The following CDH12 variants were observed in gnomAD, a reference collection of about 807,000 sequenced individuals.
The protein encoded by CDH12 is cadherin-12.
In CDH12, 41 loss-of-function variants were observed where a neutral mutation model predicts 74.1. The ratio of observed to expected loss-of-function variants is 0.55; its 90% CI spans 0.43 to 0.72. CDH12 has a LOEUF of 0.72. Among genes scored for constraint, CDH12 ranks in the 30% least tolerant of loss-of-function variants. CDH12 has a pLI of 0.00. For synonymous variants in CDH12, 399 were observed against 355.0 expected (o/e 1.12, Z -1.39); for missense variants, 945 against 977.2 (o/e 0.97, Z 0.44).
intron 3 of CDH12, among the ~76,000 whole-genome samples, chr5:22,376,382 C>T (rs1741525928): frequency 1.3e-5 from 2 of 152,012 alleles, no homozygotes; most frequent in East Asian, 1.9e-4. Context: ...GCCCAATATT[C>T]CATAGCAGAG....
intron 2 of CDH12, among the ~76,000 whole-genome samples, chr5:22,407,184 A>C (rs1333332804): frequency 2.0e-5 from 3 of 152,090 alleles, no homozygotes. Context: ...TGACATCTCA[A>C]ACTCAAAAAT....
intron 6 of CDH12, among the ~76,000 whole-genome samples, chr5:21,880,686 TC>T (rs1170531530): frequency 5.7e-5 from 8 of 139,768 alleles, no homozygotes; most frequent in Admixed American, 2.3e-4. Flanking sequence ...TTTCTTTCTT[TC>T]TTTCTCTTTT....
At chr5:21,769,421 G>A (rs1745202607) in intron 11 of CDH12, among the ~76,000 whole-genome samples, 1 of 152,022 alleles carries the variant, frequency 6.6e-6, no homozygotes, top group African/African-American at 2.4e-5. Context: ...CATGGGATAG[G>A]AGATAAATGT....
chr5:21,810,297 C>G (rs1747678925), intron 9 of CDH12, among the ~76,000 whole-genome samples: 1 of 151,966 alleles, frequency 6.6e-6, no homozygotes, highest in African/African-American at 2.4e-5. Flanking sequence ...ACGTGTGAGG[C>G]TGGGAAAATA....
At chr5:21,930,060 C>T (rs1474116002) in intron 6 of CDH12, among the ~76,000 whole-genome samples, 1 of 152,104 alleles carries the variant, frequency 6.6e-6, no homozygotes, top group Non-Finnish European at 1.5e-5. Flanking sequence ...TTTTGCTTTA[C>T]CAGTTAGTTA....
chr5:22,116,912 T>C (rs1192805185), intron 4 of CDH12, among the ~76,000 whole-genome samples: 2 of 150,266 alleles, frequency 1.3e-5, no homozygotes, highest in Non-Finnish European at 3.0e-5. Flanking sequence ...TTTTCCATCA[T>C]TACTGGTTTC....
At chr5:22,034,148 C>T (rs1739016122) in intron 5 of CDH12, among the ~76,000 whole-genome samples, 3 of 152,120 alleles carry the variant, frequency 2.0e-5, no homozygotes, top group Admixed American at 2.0e-4. Flanking sequence ...GATTCTCCTG[C>T]CTCAGTCTCC....
intron 4 of CDH12, among the ~76,000 whole-genome samples, chr5:22,195,334 G>A (rs1193463866): frequency 1.3e-5 from 2 of 152,030 alleles, no homozygotes; most frequent in African/African-American, 2.4e-5. Context: ...TGTTAATATT[G>A]TCTGTGTTAT....
chr5:22,073,847 A>G (rs1023343767), intron 5 of CDH12, among the ~76,000 whole-genome samples: 5 of 151,832 alleles, frequency 3.3e-5, no homozygotes, highest in African/African-American at 1.2e-4. Context: ...ACATTCTTTT[A>G]GATTTGAATG....
At chr5:22,108,543 C>G (rs922750725) in intron 4 of CDH12, among the ~76,000 whole-genome samples, 4 of 152,094 alleles carry the variant, frequency 2.6e-5, no homozygotes, top group Admixed American at 2.0e-4. Flanking sequence ...AGATAAAATA[C>G]CATAAGGAAT....
At chr5:22,540,014 T>C (rs1040233619) in intron 1 of CDH12, among the ~76,000 whole-genome samples, 1 of 152,214 alleles carries the variant, frequency 6.6e-6, no homozygotes, top group Non-Finnish European at 1.5e-5. Context: ...AATTTTCCTA[T>C]TGAATGTCAA....
chr5:22,045,643 A>G (rs1211216740), intron 5 of CDH12, among the ~76,000 whole-genome samples: 3 of 151,920 alleles, frequency 2.0e-5, no homozygotes, highest in South Asian at 2.1e-4. Flanking sequence ...TTTTGGGACA[A>G]TATAGATAAA....
At chr5:22,585,125 T>C (rs182427558) in intron 1 of CDH12, among the ~76,000 whole-genome samples, 110 of 152,332 alleles carry the variant, frequency 7.2e-4, no homozygotes, top group Non-Finnish European at 8.2e-4. Flanking sequence ...TATACTTCTG[T>C]TATTGTTTTT....
chr5:21,883,270 AC>A, intron 6 of CDH12: 1 of 1,382,202 alleles, frequency 7.2e-7, no homozygotes, highest in Non-Finnish European at 1.0e-6. Flanking sequence ...ATTTCTCCAT[AC>A]TTTATTAATA....
intron 1 of CDH12, among the ~76,000 whole-genome samples, chr5:22,513,112 T>C (rs963968821): frequency 2.0e-4 from 31 of 152,194 alleles, no homozygotes; most frequent in Admixed American, 3.9e-4. Context: ...TAAAAGAAAA[T>C]AGAATAATCC....
At chr5:22,248,226 G>A (rs778593296) in intron 3 of CDH12, among the ~76,000 whole-genome samples, 21 of 152,164 alleles carry the variant, frequency 1.4e-4, no homozygotes, top group Non-Finnish European at 2.8e-4. Flanking sequence ...CTTAACCCAG[G>A]AGGCGGAGGT....
At chr5:22,119,138 G>A (rs1359979840) in intron 4 of CDH12, among the ~76,000 whole-genome samples, 1 of 152,046 alleles carries the variant, frequency 6.6e-6, no homozygotes, top group Non-Finnish European at 1.5e-5. Context: ...TCGTTGTCAG[G>A]AGTCAGGCAA....
At chr5:21,967,576 C>A (rs192008699) in intron 6 of CDH12, among the ~76,000 whole-genome samples, 4,691 of 152,192 alleles carry the variant, frequency 0.031, 228 homozygotes, top group African/African-American at 0.11. Flanking sequence ...AAAGAAACTT[C>A]TTGTTAATTT....
At chr5:21,842,613 A>C (rs2149987001) in intron 7 of CDH12, among the ~76,000 whole-genome samples, 1 of 152,276 alleles carries the variant, frequency 6.6e-6, no homozygotes, top group Non-Finnish European at 1.5e-5. Flanking sequence ...AAGTAAGCCA[A>C]GTTAGACATG....
Sources: allele counts gnomAD v4.1 joint callset (sites outside exome capture counted in the v4.1 genomes callset), GRCh38; gene constraint gnomAD v4.1.1; transcripts MANE v1.5; gene names NCBI Gene and HGNC (gene_info 2026-07-23, HGNC 2026-07-21).